Variants in SYBU observed in about 807,000 individuals in gnomAD.
SYBU encodes syntabulin, also known as GOLSYN A protein.
SYBU carries 21 observed loss-of-function variants against 35.9 expected under a neutral mutation model. That is an observed-to-expected ratio of 0.58 (90% CI 0.41 to 0.84). The LOEUF (loss-of-function observed/expected upper bound fraction) is 0.84, where lower values mean the gene tolerates loss of function less well. Ranked by LOEUF, SYBU falls within the 40% of genes least tolerant of loss-of-function variation. The probability of loss-of-function intolerance (pLI) is 0.00; values close to 1 mark genes in which losing one functional copy is unlikely to be tolerated. For synonymous variants in SYBU, 319 were observed against 324.3 expected (o/e 0.98, Z 0.18); for missense variants, 768 against 848.2 (o/e 0.91, Z 1.17).
chr8:109,598,510 C>T (rs1273439758), intron 3 of SYBU, among the ~76,000 whole-genome samples: 2 of 152,126 alleles, frequency 1.3e-5, no homozygotes, highest in Non-Finnish European at 2.9e-5. Flanking sequence ...TAAAAGAGTA[C>T]CTATCATATG....
intron 2 of SYBU, among the ~76,000 whole-genome samples, chr8:109,624,477 C>T (rs764153794): frequency 6.6e-6 from 1 of 152,130 alleles, no homozygotes; most frequent in Non-Finnish European, 1.5e-5. Flanking sequence ...TTTGCAACCT[C>T]GAATGAAATA....
At chr8:109,650,627 G>A (rs1816090938) in intron 1 of SYBU, among the ~76,000 whole-genome samples, 1 of 152,136 alleles carries the variant, frequency 6.6e-6, no homozygotes, top group African/African-American at 2.4e-5. Flanking sequence ...GAAATCTTGT[G>A]ACCTTGTGAG....
At chr8:109,661,174 A>G (rs1816546658) in intron 1 of SYBU, among the ~76,000 whole-genome samples, 1 of 152,252 alleles carries the variant, frequency 6.6e-6, no homozygotes, top group Non-Finnish European at 1.5e-5. Flanking sequence ...TTGCCCACTC[A>G]GCAAATGCTG....
At chr8:109,630,379 T>A (rs1032188064) in intron 2 of SYBU, among the ~76,000 whole-genome samples, 4 of 150,934 alleles carry the variant, frequency 2.7e-5, no homozygotes, top group Non-Finnish European at 4.4e-5. Context: ...CATATGTAAC[T>A]AACCTGCACA....
At position 109,578,009 on chromosome 8, in the gene SYBU, C is replaced by T. The variant is rs1319099620; in HGVS notation, c.743G>A (p.Gly248Glu). 5 of 1,606,706 alleles carry T rather than the reference C, an allele frequency of 3.1e-6. No homozygotes were observed. Among genetic ancestry groups the T allele is most frequent in the Non-Finnish European group, 4.2e-6 (5 of 1,177,554 alleles). The change falls in exon 6 of 7, where the codon GGA (glycine) becomes GAA (glutamate). Residue 248 changes from glycine to glutamate, a missense_variant. By Grantham distance (98) the Gly-to-Glu change is moderately conservative (BLOSUM62 -2). Transcript: ENST00000276646. ...SDCSPIMRRS[G>E]RYMSCGENHG... is the part of the protein sequence containing the mutation. Reference sequence around the variant, plus strand: ...ATTTTCACCGCAAGACATGTACCTTCCAGAACGCCTGAAACAATCCAAGTA... The same window carrying T: ...ATTTTCACCGCAAGACATGTACCTTTCAGAACGCCTGAAACAATCCAAGTA...
intron 2 of SYBU, among the ~76,000 whole-genome samples, chr8:109,620,199 C>T (rs1812264723): frequency 6.6e-6 from 1 of 152,148 alleles, no homozygotes; most frequent in Non-Finnish European, 1.5e-5. Context: ...TCAAACTGAT[C>T]AGTTAGTGGT....
chr8:109,641,228 C>T (rs567738059), intron 2 of SYBU, among the ~76,000 whole-genome samples: 3 of 152,316 alleles, frequency 2.0e-5, no homozygotes, highest in African/African-American at 7.2e-5. Context: ...AATGGTGGCA[C>T]CTTCAGGAAC....
At position 109,576,838 on chromosome 8, in the gene SYBU, T is replaced by A. The variant is rs1468611242; in HGVS notation, c.885-825A>T. ...GGATATGAAGATAGGGTAGTCAGGA[T>A]CCTCATATATATGAAGAGACATCAA... is the stretch of plus-strand genomic sequence containing the variant. On this transcript the variant is annotated intron_variant, in intron 6 of 6. Transcript: ENST00000276646. Among the ~76,000 whole-genome samples the A allele has an allele frequency of 2.6e-5, 4 of 152,330 alleles. No homozygotes were observed. In the East Asian group the frequency reaches 5.8e-4, roughly 22 times the overall value.
chr8:109,682,401 G>T (rs924390855), upstream of SYBU, among the ~76,000 whole-genome samples: 2 of 152,196 alleles, frequency 1.3e-5, no homozygotes, highest in Non-Finnish European at 2.9e-5. Context: ...GGTGGTTTCA[G>T]ATGGAGATGA....
intron 2 of SYBU, among the ~76,000 whole-genome samples, chr8:109,638,023 G>A (rs544844816): frequency 3.3e-5 from 5 of 152,204 alleles, no homozygotes; most frequent in African/African-American, 1.2e-4. Flanking sequence ...GCGTTAAGTC[G>A]CACACTTGCC....
At position 109,628,820 on chromosome 8, in the gene SYBU, C is replaced by CA. The variant is rs11300595; in HGVS notation, c.230-9782dup. 1.5e-3 allele frequency among the ~76,000 whole-genome samples: 222 copies of CA among 146,276 alleles called. 1 individual carries two copies. The highest frequency in any genetic ancestry group is 3.4e-3 in the East Asian group (17 of 5,032). On this transcript the variant is annotated intron_variant, in intron 2 of 6. Transcript: ENST00000276646. ...CTGGGTGACAGAGTGACATCCGTCTCAAAAAAAAAAGATATTTGGGATTTA... is the reference window on the plus strand; with the variant it reads ...CTGGGTGACAGAGTGACATCCGTCTCAAAAAAAAAAAGATATTTGGGATTTA...
intron 2 of SYBU, among the ~76,000 whole-genome samples, chr8:109,627,059 C>CAAT (rs1303448719): frequency 2.6e-5 from 4 of 151,978 alleles, no homozygotes; most frequent in African/African-American, 9.7e-5. Context: ...CACTTAAAAA[C>CAAT]ATTAATGGAG....
intron 1 of SYBU, among the ~76,000 whole-genome samples, chr8:109,677,093 A>T (rs1429636271): frequency 3.3e-5 from 5 of 151,870 alleles, no homozygotes; most frequent in African/African-American, 1.2e-4. Flanking sequence ...AGAAATCTGT[A>T]GTTGGTTTGT....
chr8:109,589,220 T>C lies in SYBU; in HGVS notation c.428-3058A>G, dbSNP rs548038294. 7.9e-5 allele frequency among the ~76,000 whole-genome samples: 12 copies of C among 152,196 alleles called. No individual in the cohort carries two copies. In the South Asian group the frequency reaches 2.3e-3, roughly 29 times the overall value. ...AAAAGAAAAAACGTAGGACCTCAGCTAGACAGCCTGGATTCAAAGCCTGCT... is the reference window on the plus strand; with the variant it reads ...AAAAGAAAAAACGTAGGACCTCAGCCAGACAGCCTGGATTCAAAGCCTGCT... On this transcript the variant is annotated intron_variant, in intron 3 of 6. Coordinates refer to ENST00000276646, the MANE Select transcript of SYBU (RefSeq NM_001099754.2).
At chr8:109,589,936 T>C (rs1824028705) in intron 3 of SYBU, among the ~76,000 whole-genome samples, 1 of 152,212 alleles carries the variant, frequency 6.6e-6, no homozygotes, top group Middle Eastern at 3.4e-3. Context: ...AGCCCTCTCT[T>C]ATCTTTTATC....
chr8:109,678,320 T>G (rs1817272162), intron 1 of SYBU, among the ~76,000 whole-genome samples: 1 of 151,944 alleles, frequency 6.6e-6, no homozygotes, highest in African/African-American at 2.4e-5. Flanking sequence ...GTCCCATAAC[T>G]TAAGATTGTT....
Position 109,574,685 on chromosome 8 carries a change from C to G in SYBU, c.*221G>C. 2.3e-6 allele frequency: 1 copy of G among 443,666 alleles called. No homozygotes were observed. Among genetic ancestry groups the G allele is most frequent in the African/African-American group, 2.0e-5 (1 of 50,580 alleles). 27.5% of individuals were successfully genotyped at this position (443,666 alleles called of 1,614,324 possible). A position where few individuals can be genotyped will look rare whatever the true frequency, so the allele number is the denominator to read the frequency against. On this transcript the variant is annotated 3_prime_UTR_variant, in exon 7 of 7. Transcript: ENST00000276646. ...CACGGCAGGGTCATGAGCATGCTTT[C>G]TATACCCCACTGGTGGGACATTTAC... is the stretch of plus-strand genomic sequence containing the variant.
At chr8:109,626,644 G>T (rs1322258916) in intron 2 of SYBU, among the ~76,000 whole-genome samples, 1 of 152,146 alleles carries the variant, frequency 6.6e-6, no homozygotes, top group African/African-American at 2.4e-5. Flanking sequence ...TGGCAATTAT[G>T]ATGACCAAGT....
chr8:109,598,027 G>A (rs182530442), intron 3 of SYBU, among the ~76,000 whole-genome samples: 236 of 152,260 alleles, frequency 1.5e-3, no homozygotes, highest in Non-Finnish European at 2.5e-3. Context: ...TAGGAGCAGA[G>A]GTGACATTCT....
Sources: allele counts gnomAD v4.1 joint callset (sites outside exome capture counted in the v4.1 genomes callset), GRCh38; gene constraint gnomAD v4.1.1; transcripts MANE v1.5; gene names NCBI Gene and HGNC (gene_info 2026-07-23, HGNC 2026-07-21).